Variants in CACNB4 observed in about 807,000 individuals in gnomAD.
CACNB4 encodes the protein voltage-dependent L-type calcium channel subunit beta-4.
In CACNB4, 32 loss-of-function variants were observed where a neutral mutation model predicts 71.2. The observed-to-expected ratio is 0.45, with a 90% CI of 0.34 to 0.60. The LOEUF (loss-of-function observed/expected upper bound fraction) is 0.60. Ranked by LOEUF, CACNB4 falls within the 20% of genes least tolerant of loss-of-function variation. The pLI is 0.01. For missense variants in CACNB4, 464 were observed against 647.9 expected (o/e 0.72, Z 3.08); for synonymous variants, 231 against 236.9 (o/e 0.97, Z 0.23).
At chr2:152,026,492 CT>C in intron 2 of CACNB4, among the ~76,000 whole-genome samples, 1 of 152,018 alleles carries the variant, frequency 6.6e-6, no homozygotes, top group South Asian at 2.1e-4. Flanking sequence ...TCAAGCGATT[CT>C]CATGCCTCAG....
intron 9 of CACNB4, chr2:151,861,851 A>AAAAAAAAAAAAAAAAC (rs201014643): frequency 7.4e-6 from 1 of 135,344 alleles, no homozygotes; most frequent in African/African-American, 2.9e-5. Context: ...TCAAAAAAAA[A>AAAAAAAAAAAAAAAAC]AAAAAAACTG....
intron 2 of CACNB4, among the ~76,000 whole-genome samples, chr2:151,995,822 C>T (rs969122968): frequency 6.6e-6 from 1 of 152,236 alleles, no homozygotes; most frequent in Non-Finnish European, 1.5e-5. Flanking sequence ...CCTGGTAAAG[C>T]TATCAACTTC....
At chr2:151,944,996 G>A (rs938674178) in intron 2 of CACNB4, among the ~76,000 whole-genome samples, 3 of 152,134 alleles carry the variant, frequency 2.0e-5, no homozygotes, top group Non-Finnish European at 4.4e-5. Context: ...AAAATGTCAG[G>A]ATTTCCTCAT....
intron 2 of CACNB4, among the ~76,000 whole-genome samples, chr2:152,071,163 T>C (rs1330636128): frequency 6.6e-6 from 1 of 152,258 alleles, no homozygotes; most frequent in African/African-American, 2.4e-5. Flanking sequence ...TAATAACTGT[T>C]GTTCACACTG....
At chr2:151,917,855 A>AAT (rs2099857933) in intron 2 of CACNB4, among the ~76,000 whole-genome samples, 1 of 140,484 alleles carries the variant, frequency 7.1e-6, no homozygotes, top group African/African-American at 2.6e-5. Context: ...AAAAAAAAGA[A>AAT]CATTTCTGAA....
At chr2:152,096,189 T>C (rs1039871175) in intron 2 of CACNB4, among the ~76,000 whole-genome samples, 1 of 151,994 alleles carries the variant, frequency 6.6e-6, no homozygotes, top group African/African-American at 2.4e-5. Context: ...AAAGTGCTCA[T>C]AAAAATTAAG....
chr2:152,097,042 A>G (rs138892492), intron 2 of CACNB4, among the ~76,000 whole-genome samples: 2 of 152,352 alleles, frequency 1.3e-5, no homozygotes, highest in East Asian at 3.9e-4. Flanking sequence ...CATAATCTAA[A>G]TACTGCAAAG....
rs1475586359 is a variant in CACNB4, at chr2:151,841,926, G to A, written c.1279C>T (p.Pro427Ser). 1 of 1,613,900 alleles carries A rather than the reference G, an allele frequency of 6.2e-7. No individual in the cohort carries two copies. The highest frequency in any genetic ancestry group is 1.3e-5 in the African/African-American group (1 of 75,032). Residue 427 changes from proline to serine, a missense_variant, in exon 13 of 14, where the codon CCC becomes TCC. Pro to Ser is a moderately conservative substitution (Grantham distance 74). Coordinates refer to ENST00000539935, the MANE Select transcript of CACNB4 (RefSeq NM_000726.5). ...ACCTGTAACCCAGAAATTGCTGTGG[G>A]ATATGGTGAGAGTGCCGTGGAGCCC... The part of the protein sequence containing the change: ...NLGSTALSPY[P>S]TAISGLQSQR...
intron 9 of CACNB4, chr2:151,868,898 CAT>C (rs1212860812): frequency 5.4e-6 from 1 of 184,296 alleles, no homozygotes; most frequent in Non-Finnish European, 1.1e-5. Flanking sequence ...TCATAAAAAA[CAT>C]TTTGGTATGA....
intron 2 of CACNB4, among the ~76,000 whole-genome samples, chr2:151,903,799 C>T (rs954514026): frequency 8.5e-5 from 13 of 152,198 alleles, no homozygotes; most frequent in African/African-American, 3.1e-4. Context: ...TTAAAAAGCC[C>T]CTTTTCTCCT....
chr2:152,051,173 C>T (rs1187562335), intron 2 of CACNB4, among the ~76,000 whole-genome samples: 1 of 152,106 alleles, frequency 6.6e-6, no homozygotes, highest in African/African-American at 2.4e-5. Context: ...AGAAATTTAC[C>T]CAGGGAGGTC....
rs750436136 is a variant in CACNB4 at position 151,850,141 on chromosome 2, CTTT to C, written c.1116+3304_1116+3306del. 4.6e-3 allele frequency: 452 copies of C among 98,142 alleles called. 11 individuals are homozygous for C. The East Asian group carries it at 0.12, about 26-fold the overall frequency. 6.1% of individuals were successfully genotyped at this position (98,142 alleles called of 1,614,324 possible). Reference sequence around the variant, plus strand: ...TTTTCTTTTCTTTCTTTCTTTCTTTCTTTTTTTTTTTTTTTTTTTTTGAGACAG... The same window carrying C: ...TTTTCTTTTCTTTCTTTCTTTCTTTCTTTTTTTTTTTTTTTTTTGAGACAG... On this transcript the variant is annotated intron_variant, in intron 12 of 13. Coordinates refer to ENST00000539935, the MANE Select transcript of CACNB4 (RefSeq NM_000726.5).
intron 2 of CACNB4, among the ~76,000 whole-genome samples, chr2:152,058,709 T>C (rs991368851): frequency 4.6e-5 from 7 of 152,110 alleles, no homozygotes; most frequent in African/African-American, 1.7e-4. Context: ...TGGGGAGAAA[T>C]TCAAGCTGGA....
intron 2 of CACNB4, among the ~76,000 whole-genome samples, chr2:151,919,410 T>C (rs1416838786): frequency 6.6e-6 from 1 of 152,154 alleles, no homozygotes; most frequent in Non-Finnish European, 1.5e-5. Flanking sequence ...ATGAGGATTC[T>C]GAGGACAAAA....
intron 2 of CACNB4, among the ~76,000 whole-genome samples, chr2:151,955,560 C>T (rs1380454520): frequency 6.6e-6 from 1 of 152,108 alleles, no homozygotes; most frequent in African/African-American, 2.4e-5. Context: ...TCAGAAGAGG[C>T]TGGAAAAGCA....
intron 12 of CACNB4, among the ~76,000 whole-genome samples, chr2:151,843,680 A>G (rs984941709): frequency 2.0e-5 from 3 of 152,084 alleles, no homozygotes; most frequent in Non-Finnish European, 4.4e-5. Context: ...TTATGAACTC[A>G]TTTTACCAAA....
intron 2 of CACNB4, among the ~76,000 whole-genome samples, chr2:151,927,423 G>C (rs1414045562): frequency 6.6e-6 from 1 of 152,212 alleles, no homozygotes; most frequent in Non-Finnish European, 1.5e-5. Context: ...CACTCGCTGG[G>C]AAGATGTGGT....
chr2:152,081,994 T>A (rs570497668), intron 2 of CACNB4, among the ~76,000 whole-genome samples: 1 of 152,220 alleles, frequency 6.6e-6, no homozygotes, highest in South Asian at 2.1e-4. Context: ...GCAACTTGTG[T>A]TATTCTTTAT....
chr2:152,068,329 A>G (rs1686465764), intron 2 of CACNB4, among the ~76,000 whole-genome samples: 1 of 152,052 alleles, frequency 6.6e-6, no homozygotes, highest in South Asian at 2.1e-4. Flanking sequence ...CTAACAAGGA[A>G]ATTTTTGTCC....
Sources: gnomAD v4.1 joint callset for allele counts (sites outside exome capture counted in the v4.1 genomes callset) on GRCh38, gnomAD v4.1.1 for gene constraint, MANE v1.5 for transcripts, NCBI Gene and HGNC (gene_info 2026-07-23, HGNC 2026-07-21) for gene names.